The following GALNTL6 variants were observed in gnomAD, a reference collection of about 807,000 sequenced individuals.
The protein encoded by GALNTL6 is polypeptide N-acetylgalactosaminyltransferase like 6.
GALNTL6 carries 46 observed loss-of-function variants against 73.7 expected under a neutral mutation model. The observed-to-expected ratio is 0.62, with a 90% confidence interval of 0.49 to 0.80. The LOEUF is 0.80. GALNTL6 is among the 30% of genes least tolerant of loss of function. The pLI, the probability that GALNTL6 is intolerant of heterozygous loss-of-function variation, is 0.00. For synonymous variants in GALNTL6, 259 were observed against 263.7 expected, an observed-to-expected ratio of 0.98 and a Z score of 0.17; for missense variants, 604 against 755.0, an observed-to-expected ratio of 0.80 and a Z score of 2.34.
intron 5 of GALNTL6, among the ~76,000 whole-genome samples, chr4:172,575,154 G>A (rs750835801): frequency 8.5e-5 from 13 of 152,178 alleles, no homozygotes; most frequent in South Asian, 2.1e-4. Flanking sequence ...CATGACATGC[G>A]TATTACATGC....
At chr4:172,992,302 T>C (rs1358562089) in intron 10 of GALNTL6, among the ~76,000 whole-genome samples, 2 of 152,216 alleles carry the variant, frequency 1.3e-5, no homozygotes, top group African/African-American at 4.8e-5. Context: ...AAGACACCTA[T>C]CAAAAGTCAC....
chr4:172,124,874 G>T (rs1262459049), intron 2 of GALNTL6, among the ~76,000 whole-genome samples: 2 of 152,080 alleles, frequency 1.3e-5, no homozygotes, highest in Non-Finnish European at 2.9e-5. Context: ...GTAACAGCAT[G>T]GGAAGTTTCC....
At chr4:172,411,252 T>C (rs1214169129) in intron 5 of GALNTL6, among the ~76,000 whole-genome samples, 1 of 152,072 alleles carries the variant, frequency 6.6e-6, no homozygotes, top group African/African-American at 2.4e-5. Context: ...CTGTGGAATA[T>C]GCTCTTGTTA....
intron 7 of GALNTL6, among the ~76,000 whole-genome samples, chr4:172,873,437 A>C (rs1470559217): frequency 2.0e-5 from 3 of 152,206 alleles, no homozygotes; most frequent in Non-Finnish European, 2.9e-5. Flanking sequence ...CAGGGGGTGA[A>C]GTCTGTCATC....
chr4:172,605,712 A>T (rs1738230103), intron 5 of GALNTL6, among the ~76,000 whole-genome samples: 1 of 152,016 alleles, frequency 6.6e-6, no homozygotes, highest in South Asian at 2.1e-4. Context: ...AATGATGCAG[A>T]TTTTTTCACC....
intron 2 of GALNTL6, among the ~76,000 whole-genome samples, chr4:171,906,966 A>T (rs1737303540): frequency 6.6e-6 from 1 of 152,140 alleles, no homozygotes; most frequent in African/African-American, 2.4e-5. Flanking sequence ...AAAAACTCTT[A>T]ATAAATTAGG....
chr4:172,210,115 A>G (rs532850572), intron 2 of GALNTL6, among the ~76,000 whole-genome samples: 2 of 152,230 alleles, frequency 1.3e-5, no homozygotes, highest in African/African-American at 4.8e-5. Flanking sequence ...AAAAAGTGTA[A>G]CTATTGTTAA....
At chr4:172,391,288 AAAG>A (rs1172009483) in intron 5 of GALNTL6, among the ~76,000 whole-genome samples, 5 of 152,184 alleles carry the variant, frequency 3.3e-5, no homozygotes, top group Admixed American at 6.5e-5. Context: ...CACCTTGCAG[AAAG>A]AAGAAGAGCA....
intron 8 of GALNTL6, among the ~76,000 whole-genome samples, chr4:172,899,815 C>T (rs1000859076): frequency 3.3e-5 from 5 of 152,164 alleles, no homozygotes; most frequent in South Asian, 2.1e-4. Flanking sequence ...GTAGATTATT[C>T]GCGCCTCCCC....
intron 5 of GALNTL6, among the ~76,000 whole-genome samples, chr4:172,448,873 C>T (rs1487715108): frequency 1.3e-5 from 2 of 152,148 alleles, no homozygotes; most frequent in African/African-American, 4.8e-5. Context: ...ACCTTATAAT[C>T]TTATTAACTT....
chr4:172,374,848 G>A (rs924305357), intron 5 of GALNTL6, among the ~76,000 whole-genome samples: 31 of 152,158 alleles, frequency 2.0e-4, no homozygotes, highest in African/African-American at 7.5e-4. Context: ...CTCTCCAAGC[G>A]AGGTTGAAGG....
chr4:172,614,531 T>C (rs837189), intron 5 of GALNTL6, among the ~76,000 whole-genome samples: 64,200 of 152,084 alleles, frequency 0.42, 15,404 homozygotes, highest in African/African-American at 0.66. Context: ...TTTTTCACAA[T>C]GATATAAGTA....
At chr4:172,971,967 A>T (rs1007706328) in intron 10 of GALNTL6, among the ~76,000 whole-genome samples, 1 of 152,214 alleles carries the variant, frequency 6.6e-6, no homozygotes, top group African/African-American at 2.4e-5. Context: ...ATAAAGAAAC[A>T]TTAAAAATTA....
chr4:172,445,098 G>A (rs1473847634), intron 5 of GALNTL6, among the ~76,000 whole-genome samples: 1 of 152,082 alleles, frequency 6.6e-6, no homozygotes, highest in African/African-American at 2.4e-5. Context: ...TATAACCAGG[G>A]CACTATTCCT....
chr4:172,301,218 C>G (rs1578929651), intron 3 of GALNTL6, among the ~76,000 whole-genome samples: 1 of 152,248 alleles, frequency 6.6e-6, no homozygotes, highest in South Asian at 2.1e-4. Flanking sequence ...TCAGCTCCAT[C>G]AGGTCCTTTA....
chr4:172,531,634 G>A (rs1561125059), intron 5 of GALNTL6, among the ~76,000 whole-genome samples: 1 of 152,192 alleles, frequency 6.6e-6, no homozygotes, highest in Non-Finnish European at 1.5e-5. Context: ...TCTGGAGTGG[G>A]CAAGAGGTTT....
intron 5 of GALNTL6, chr4:172,379,939 T>A: frequency 1.5e-6 from 1 of 660,810 alleles, no homozygotes; most frequent in Non-Finnish European, 2.7e-6. Flanking sequence ...TCTGTAGTGT[T>A]TCTAAGACCT....
At chr4:172,967,178 T>G (rs1750369962) in intron 10 of GALNTL6, among the ~76,000 whole-genome samples, 1 of 152,222 alleles carries the variant, frequency 6.6e-6, no homozygotes, top group South Asian at 2.1e-4. Flanking sequence ...TTTGTGTAAT[T>G]GATAACCTAG....
intron 5 of GALNTL6, among the ~76,000 whole-genome samples, chr4:172,467,854 CT>C: frequency 1.4e-5 from 2 of 141,136 alleles, no homozygotes; most frequent in African/African-American, 2.6e-5. Context: ...TTCTTTCTTT[CT>C]TTCTTTCTTT....
Sources: gnomAD v4.1 joint callset for allele counts (sites outside exome capture counted in the v4.1 genomes callset) on GRCh38, gnomAD v4.1.1 for gene constraint, MANE v1.5 for transcripts, NCBI Gene and HGNC (gene_info 2026-07-23, HGNC 2026-07-21) for gene names.